DPYD: variants seen among roughly 807,000 people sequenced by gnomAD.
DPYD encodes the protein dihydropyrimidine dehydrogenase, also known as dihydropyrimidine dehydrogenase [NADP(+)].
Under a neutral mutation model 116.2 loss-of-function variants are expected in DPYD, and 109 were observed. The observed-to-expected ratio is 0.94, with a 90% CI of 0.80 to 1.10. The LOEUF (loss-of-function observed/expected upper bound fraction) is 1.10. Ranked by LOEUF, DPYD falls within the 50% of genes least tolerant of loss-of-function variation. The probability of loss-of-function intolerance (pLI) is 0.00; values close to 1 mark genes in which losing one functional copy is unlikely to be tolerated. For missense variants in DPYD, 1,302 were observed against 1,254.5 expected (o/e 1.04, Z -0.57); for synonymous variants, 440 against 432.0 (o/e 1.02, Z -0.23).
chr1:97,466,731 G>A, intron 13 of DPYD, among the ~76,000 whole-genome samples: 1 of 152,158 alleles, frequency 6.6e-6, no homozygotes, highest in South Asian at 2.1e-4. Flanking sequence ...CCTCCTTCTG[G>A]TGATTCACAA....
At chr1:97,461,092 A>C (rs1034079082) in intron 13 of DPYD, among the ~76,000 whole-genome samples, 2 of 151,686 alleles carry the variant, frequency 1.3e-5, no homozygotes, top group African/African-American at 4.8e-5. Flanking sequence ...CCTATTCTTA[A>C]GGCTACTACC....
chr1:97,715,469 G>A (rs1341614062), intron 5 of DPYD, among the ~76,000 whole-genome samples: 2 of 152,080 alleles, frequency 1.3e-5, no homozygotes, highest in African/African-American at 4.8e-5. Flanking sequence ...TAGTAAAGAA[G>A]CAGTCTACAA....
intron 3 of DPYD, among the ~76,000 whole-genome samples, chr1:97,799,438 C>A (rs1294747039): frequency 6.6e-6 from 1 of 151,716 alleles, no homozygotes; most frequent in African/African-American, 2.4e-5. Flanking sequence ...CAAAGATATA[C>A]CCGCATGAAT....
chr1:97,642,692 G>C (rs1658000389), intron 8 of DPYD, among the ~76,000 whole-genome samples: 1 of 136,620 alleles, frequency 7.3e-6, no homozygotes, highest in African/African-American at 2.7e-5. Flanking sequence ...GAGAACACAT[G>C]GACACAGGAA....
intron 14 of DPYD, among the ~76,000 whole-genome samples, chr1:97,436,160 A>G (rs1049156009): frequency 6.6e-6 from 1 of 151,912 alleles, no homozygotes; most frequent in African/African-American, 2.4e-5. Flanking sequence ...GCCCTTTAAG[A>G]GAAGATTGCA....
intron 13 of DPYD, among the ~76,000 whole-genome samples, chr1:97,508,565 T>C (rs1647535743): frequency 6.6e-6 from 1 of 152,018 alleles, no homozygotes; most frequent in Non-Finnish European, 1.5e-5. Context: ...TGCCACTCTA[T>C]ACGAAGCAGT....
At chr1:97,506,396 T>C (rs1647334326) in intron 13 of DPYD, among the ~76,000 whole-genome samples, 1 of 151,902 alleles carries the variant, frequency 6.6e-6, no homozygotes, top group South Asian at 2.1e-4. Context: ...TTTTAACTGG[T>C]TAAATTTAAA....
At chr1:97,714,685 G>A (rs72977723) in intron 5 of DPYD, among the ~76,000 whole-genome samples, 17,563 of 147,338 alleles carry the variant, frequency 0.12, 1,138 homozygotes, top group Middle Eastern at 0.14. Context: ...CAACTAAGCC[G>A]TATGTGTTGG....
At chr1:97,891,164 T>C (rs1429315107) in intron 1 of DPYD, among the ~76,000 whole-genome samples, 1 of 151,920 alleles carries the variant, frequency 6.6e-6, no homozygotes, top group African/African-American at 2.4e-5. Context: ...ATATCATCAA[T>C]AACTAAGCAG....
intron 3 of DPYD, among the ~76,000 whole-genome samples, chr1:97,746,533 A>ACTGTTG (rs1446831677): frequency 2.6e-5 from 4 of 152,222 alleles, no homozygotes; most frequent in Middle Eastern, 3.4e-3. Context: ...ACTATTAAAG[A>ACTGTTG]CTGTTGCTCT....
At chr1:97,693,336 G>A (rs534525093) in intron 6 of DPYD, among the ~76,000 whole-genome samples, 4 of 143,692 alleles carry the variant, frequency 2.8e-5, no homozygotes, top group Admixed American at 6.9e-5. Context: ...GAAAATGCAA[G>A]GTATCAAACA....
chr1:97,477,735 C>T (rs1203069980), intron 13 of DPYD, among the ~76,000 whole-genome samples: 1 of 151,444 alleles, frequency 6.6e-6, no homozygotes, highest in Non-Finnish European at 1.5e-5. Flanking sequence ...ATTCTCCTGC[C>T]TCAGCCTCCC....
chr1:97,237,318 T>C (rs2100758330), intron 18 of DPYD, among the ~76,000 whole-genome samples: 1 of 148,964 alleles, frequency 6.7e-6, no homozygotes, highest in East Asian at 2.0e-4. Context: ...TCAGATAAAA[T>C]TGAACGTTTG....
chr1:97,753,067 T>C (rs1346616334), intron 3 of DPYD, among the ~76,000 whole-genome samples: 1 of 152,186 alleles, frequency 6.6e-6, no homozygotes, highest in East Asian at 1.9e-4. Flanking sequence ...TTAGTAGGTA[T>C]TTATGCAAGG....
chr1:97,455,925 A>G (rs1007348780), intron 13 of DPYD, among the ~76,000 whole-genome samples: 4 of 151,874 alleles, frequency 2.6e-5, no homozygotes, highest in Non-Finnish European at 4.4e-5. Context: ...CCCTTTTGTC[A>G]TCAGGAACTT....
chr1:97,881,586 GATAAA>G (rs1212346695), intron 2 of DPYD, among the ~76,000 whole-genome samples: 3 of 151,908 alleles, frequency 2.0e-5, no homozygotes, highest in East Asian at 1.9e-4. Flanking sequence ...TTTTTAAAAT[GATAAA>G]ATAAACTCAA....
intron 8 of DPYD, among the ~76,000 whole-genome samples, chr1:97,616,489 C>T (rs955543947): frequency 1.3e-5 from 2 of 152,078 alleles, no homozygotes; most frequent in African/African-American, 4.8e-5. Flanking sequence ...ACCAGAGAGA[C>T]CACACGGAGA....
chr1:97,349,662 C>A (rs1670039402), intron 16 of DPYD, among the ~76,000 whole-genome samples: 1 of 152,084 alleles, frequency 6.6e-6, no homozygotes, highest in Non-Finnish European at 1.5e-5. Flanking sequence ...CATGTCCCTG[C>A]AAAGGACATG....
chr1:97,155,741 C>A lies in DPYD; in HGVS notation c.2622+37328G>T, dbSNP rs556684798. 5.3e-5 allele frequency among the ~76,000 whole-genome samples: 8 copies of A among 150,162 alleles called. No individual in the cohort carries two copies. In the East Asian group the frequency reaches 8.0e-4, roughly 15 times the overall value. ...TTCTTTTGTGCTAGTTATCTTTTTT[C>A]TGAGAATTGAAAGTAGTTCCCAAAT... On this transcript the variant is annotated intron_variant, in intron 20 of 22. Transcript: ENST00000370192.
Sources: gnomAD v4.1 joint callset for allele counts (sites outside exome capture counted in the v4.1 genomes callset) on GRCh38, gnomAD v4.1.1 for gene constraint, MANE v1.5 for transcripts, NCBI Gene and HGNC (gene_info 2026-07-23, HGNC 2026-07-21) for gene names.